The following PAH variants were observed in gnomAD, a reference collection of about 807,000 sequenced individuals.
PAH encodes phenylalanine-4-hydroxylase.
Under a neutral mutation model 62.0 loss-of-function variants are expected in PAH, and 64 were observed. The ratio of observed to expected loss-of-function variants is 1.03; its 90% CI spans 0.84 to 1.27. The LOEUF (loss-of-function observed/expected upper bound fraction) is 1.27, where lower values mean the gene tolerates loss of function less well. Among genes scored for constraint, PAH ranks in the 50% most tolerant of loss-of-function variants. The pLI, the probability that PAH is intolerant of heterozygous loss-of-function variation, is 0.00. For missense variants in PAH, 579 were observed against 542.8 expected, an observed-to-expected ratio of 1.07 and a Z score of -0.66; for synonymous variants, 195 against 196.2, an observed-to-expected ratio of 0.99 and a Z score of 0.05.
At chr12:102,842,731 G>A (rs1306686269) in intron 11 of PAH, among the ~76,000 whole-genome samples, 4 of 151,948 alleles carry the variant, frequency 2.6e-5, no homozygotes, top group Non-Finnish European at 5.9e-5. Flanking sequence ...TCAAAAGTGC[G>A]GATTTCTTTG....
intron 2 of PAH, among the ~76,000 whole-genome samples, 190 bp downstream of exon 2, chr12:102,912,601 A>T (rs1270304342): frequency 2.6e-5 from 4 of 152,202 alleles, no homozygotes; most frequent in Non-Finnish European, 4.4e-5. Context: ...TATATTATGA[A>T]TGGAAAAACT....
At chr12:102,856,648 G>A (rs1459398100) in intron 5 of PAH, among the ~76,000 whole-genome samples, 2 of 152,216 alleles carry the variant, frequency 1.3e-5, no homozygotes, top group Non-Finnish European at 2.9e-5. Flanking sequence ...CCAGAGGAAT[G>A]ATCAGGCAGC....
upstream of PAH, among the ~76,000 whole-genome samples, chr12:102,952,107 C>T (rs903168896): frequency 6.6e-6 from 1 of 152,154 alleles, no homozygotes; most frequent in African/African-American, 2.4e-5. Context: ...TACAACAAAG[C>T]ACTAATTGGT....
At chr12:102,920,666 C>T (rs1451171042), upstream of PAH, among the ~76,000 whole-genome samples, 1 of 152,176 alleles carries the variant, frequency 6.6e-6, no homozygotes, top group African/African-American at 2.4e-5. Flanking sequence ...GGCAACTTCT[C>T]TAATATGATG....
Position 102,885,033 on chromosome 12 carries a change from T to G in PAH, c.353-7483A>C, listed in dbSNP as rs117986419. Reference sequence around the variant, plus strand: ...GCCGATGCACTTCACCAAAAAGCAATGCTGGGCTTAGAATAAAGGTGTGGT... The same window carrying G: ...GCCGATGCACTTCACCAAAAAGCAAGGCTGGGCTTAGAATAAAGGTGTGGT... On this transcript the variant is annotated intron_variant, in intron 3 of 12. Coordinates refer to ENST00000553106, the MANE Select transcript of PAH (RefSeq NM_000277.3). 2.1e-3 allele frequency among the ~76,000 whole-genome samples: 314 copies of G among 152,294 alleles called. 4 individuals are homozygous for G. The East Asian group carries it at 0.025, about 12-fold the overall frequency.
At chr12:102,906,292 A>G (rs1470117147) in intron 2 of PAH, among the ~76,000 whole-genome samples, 2 of 152,208 alleles carry the variant, frequency 1.3e-5, no homozygotes, top group African/African-American at 4.8e-5. Flanking sequence ...CATTTGGAGA[A>G]AAACTTTGTA....
chr12:102,906,824 T>A (rs927735318), intron 2 of PAH, among the ~76,000 whole-genome samples: 1 of 152,216 alleles, frequency 6.6e-6, no homozygotes, highest in African/African-American at 2.4e-5. Context: ...CCTGCATCCA[T>A]GGAGTCCATC....
chr12:102,869,030 C>T (rs1366504433), intron 4 of PAH, among the ~76,000 whole-genome samples: 1 of 152,188 alleles, frequency 6.6e-6, no homozygotes, highest in African/African-American at 2.4e-5. Context: ...ACAGAACTAG[C>T]ACCTCCATTT....
intron 9 of PAH, among the ~76,000 whole-genome samples, chr12:102,845,982 C>T (rs375039954): frequency 1.3e-5 from 2 of 152,186 alleles, no homozygotes; most frequent in African/African-American, 4.8e-5. Context: ...CTATCTAGCT[C>T]TGTAACTTCT....
chr12:102,850,866 T>C (rs916356208), intron 8 of PAH, among the ~76,000 whole-genome samples: 13 of 152,140 alleles, frequency 8.5e-5, no homozygotes, highest in Non-Finnish European at 1.5e-4. Context: ...GATGGGAGGA[T>C]TGAGGCCAAG....
chr12:102,888,296 C>T (rs1441767803), intron 3 of PAH, among the ~76,000 whole-genome samples: 1 of 152,076 alleles, frequency 6.6e-6, no homozygotes, highest in African/African-American at 2.4e-5. Flanking sequence ...AGGAATTGAA[C>T]TGGAAAATCC....
chr12:102,926,504 C>T (rs1392622755), intron 1 of PAH, among the ~76,000 whole-genome samples: 1 of 151,874 alleles, frequency 6.6e-6, no homozygotes, highest in Non-Finnish European at 1.5e-5. Flanking sequence ...GGTTCATAGC[C>T]AGTTGTGAGC....
chr12:102,958,066 A>C (rs937255453), intron 1 of PAH: 3 of 438,882 alleles, frequency 6.8e-6, no homozygotes, highest in Non-Finnish European at 1.1e-5. Context: ...CTCCCACTCT[A>C]AGAAGTCTCC....
intron 2 of PAH, among the ~76,000 whole-genome samples, chr12:102,901,905 GA>G (rs141860728): frequency 3.3e-5 from 5 of 151,262 alleles, no homozygotes; most frequent in African/African-American, 9.7e-5. Flanking sequence ...GGGAAAAGCA[GA>G]AAAAAAAATC....
intron 2 of PAH, among the ~76,000 whole-genome samples, chr12:102,898,056 C>T (rs1282780447): frequency 1.3e-5 from 2 of 152,172 alleles, no homozygotes; most frequent in African/African-American, 4.8e-5. Flanking sequence ...ATACACTGAA[C>T]CCCCAACACA....
chr12:102,862,785 T>G (rs1875786353), intron 5 of PAH, among the ~76,000 whole-genome samples: 1 of 152,154 alleles, frequency 6.6e-6, no homozygotes, highest in South Asian at 2.1e-4. Flanking sequence ...AGGTCTTTCT[T>G]GCCCTTTCAG....
intron 2 of PAH, among the ~76,000 whole-genome samples, chr12:102,907,999 C>T (rs1271721046): frequency 2.0e-5 from 3 of 151,782 alleles, no homozygotes; most frequent in Non-Finnish European, 2.9e-5. Context: ...ACAATTTATA[C>T]AGCAACTTCT....
rs117110844 is a variant in PAH, at chr12:102,948,471, C to T, written c.-96+2118G>A. ...ACTGGAGTGGAGAAAGTCAAGGAAGCGAAAGGCTCCGGGGCTGGGTAGGTT... is the reference window on the plus strand; with the variant it reads ...ACTGGAGTGGAGAAAGTCAAGGAAGTGAAAGGCTCCGGGGCTGGGTAGGTT... On this transcript the variant is annotated intron_variant, in intron 1 of 3. Transcript: ENST00000546844. Among the ~76,000 whole-genome samples the T allele has an allele frequency of 4.5e-3, 688 of 152,178 alleles. 5 individuals are homozygous for T. Among genetic ancestry groups the T allele is most frequent in the Middle Eastern group, 6.8e-3 (2 of 294 alleles).
At chr12:102,871,937 AAAAAAAAAAAAAATATATATAT>A (rs1454981061) in intron 4 of PAH, among the ~76,000 whole-genome samples, 3,912 of 88,548 alleles carry the variant, frequency 0.044, 35 homozygotes, top group Non-Finnish European at 0.057. Context: ...AAAAAAAAAA[AAAAAAAAAAAAAATATATATAT>A]ATATATATAT....
Sources: gnomAD v4.1 joint callset for allele counts (sites outside exome capture counted in the v4.1 genomes callset) on GRCh38, gnomAD v4.1.1 for gene constraint, MANE v1.5 for transcripts, NCBI Gene and HGNC (gene_info 2026-07-23, HGNC 2026-07-21) for gene names.